DYNAP: variants seen among roughly 807,000 people sequenced by gnomAD.
DYNAP encodes dynactin associated protein, also known as dynactin-associated protein.
In DYNAP, 7 loss-of-function variants were observed where a neutral mutation model predicts 8.5. The observed-to-expected ratio is 0.82, with a 90% CI of 0.47 to 1.54. DYNAP has a LOEUF of 1.54. Ranked by LOEUF, DYNAP falls within the 40% of genes most tolerant of loss-of-function variation. The probability of loss-of-function intolerance (pLI) is 0.01; values close to 1 mark genes in which losing one functional copy is unlikely to be tolerated. For synonymous variants in DYNAP, 77 were observed against 77.9 expected (o/e 0.99, Z 0.06); for missense variants, 256 against 224.3 (o/e 1.14, Z -0.90).
Position 54,597,908 on chromosome 18 carries a change from A to G in DYNAP, c.318A>G (p.Ile106Met). 6.2e-7 allele frequency: 1 copy of G among 1,613,668 alleles called. No homozygotes were observed. Among genetic ancestry groups the G allele is most frequent in the East Asian group, 2.2e-5 (1 of 44,848 alleles). The change falls in exon 3 of 3, where the codon ATA (isoleucine) becomes ATG (methionine). Residue 106 changes from isoleucine (I) to methionine (M), a missense_variant. Transcript: ENST00000648945. The stretch of plus-strand genomic sequence containing the variant: ...TAATGACAGCAATTGGAGTACTTAT[A>G]ATATGCTTGGTGAATAACAAAGGAT... Reference protein sequence around the residue: ...CVIMTAIGVLIICLVNNKGSA... With the variant: ...CVIMTAIGVLMICLVNNKGSA...
chr18:54,583,732 A>G (rs1299495067), upstream of DYNAP, among the ~76,000 whole-genome samples: 1 of 152,202 alleles, frequency 6.6e-6, no homozygotes, highest in Non-Finnish European at 1.5e-5. Context: ...AGCACTGCTA[A>G]TCATGTGTTT....
At chr18:54,581,465 C>A in the DYNAP span, among the ~76,000 whole-genome samples, 3 of 152,146 alleles carry the variant, frequency 2.0e-5, no homozygotes, top group Non-Finnish European at 2.9e-5. Flanking sequence ...AGCAGGAGTG[C>A]GGCAGGAATG....
At chr18:54,582,823 T>G (rs1389917316), upstream of DYNAP, among the ~76,000 whole-genome samples, 1 of 152,232 alleles carries the variant, frequency 6.6e-6, no homozygotes, top group Non-Finnish European at 1.5e-5. Flanking sequence ...CATTTTACTC[T>G]TAAGCTACCC....
chr18:54,597,829 G>T lies in DYNAP; in HGVS notation c.239G>T (p.Arg80Leu), dbSNP rs370839815. The change falls in exon 3 of 3, where the codon CGC becomes CTC. Residue 80 changes from arginine to leucine, a missense_variant. Physicochemically the swap from Arg to Leu is moderately radical, Grantham distance 102. Transcript: ENST00000648945. ...CATGCTTAGGTAAAAGAATATTGCC[G>T]CAATGACTGGTCTATGTGGAAAGTC... ...SCNTQVKEYC[R>L]NDWSMWKVFL... is the part of the protein sequence containing the mutation. The T allele has an allele frequency of 6.2e-7, 1 of 1,605,800 alleles. No homozygotes were observed. The highest frequency in any genetic ancestry group is 1.1e-5 in the South Asian group (1 of 90,488).
At chr18:54,578,777 T>A in the DYNAP span, among the ~76,000 whole-genome samples, 10 of 152,132 alleles carry the variant, frequency 6.6e-5, no homozygotes, top group African/African-American at 1.4e-4. Context: ...AAAGGCAATT[T>A]TTTTATTTTA....
At chr18:54,587,235 C>T (rs1219132981), upstream of DYNAP, among the ~76,000 whole-genome samples, 3 of 152,144 alleles carry the variant, frequency 2.0e-5, no homozygotes, top group South Asian at 2.1e-4. Flanking sequence ...TAAGGAGGGA[C>T]GTAACTGTCT....
the DYNAP span, among the ~76,000 whole-genome samples, chr18:54,577,029 T>C: frequency 2.0e-4 from 30 of 152,198 alleles, no homozygotes; most frequent in Admixed American, 1.6e-3. Flanking sequence ...TGTATATGTT[T>C]GTAGTAGCTA....
the DYNAP span, among the ~76,000 whole-genome samples, chr18:54,577,821 G>A: frequency 6.6e-6 from 1 of 151,896 alleles, no homozygotes; most frequent in Non-Finnish European, 1.5e-5. Context: ...ACAAAAATTA[G>A]CCGGGCACGG....
intron 1 of DYNAP, among the ~76,000 whole-genome samples, chr18:54,593,080 A>G (rs1365604773): frequency 6.6e-6 from 1 of 152,198 alleles, no homozygotes; most frequent in East Asian, 1.9e-4. Flanking sequence ...AATTTTGTTT[A>G]TTCATATTTG....
At chr18:54,581,237 C>T in the DYNAP span, among the ~76,000 whole-genome samples, 27 of 152,272 alleles carry the variant, frequency 1.8e-4, no homozygotes, top group African/African-American at 6.5e-4. Flanking sequence ...TAATTATTTG[C>T]TATTCTTTAT....
At chr18:54,582,445 G>C in the DYNAP span, among the ~76,000 whole-genome samples, 8 of 152,156 alleles carry the variant, frequency 5.3e-5, no homozygotes, top group Admixed American at 4.6e-4. Context: ...TTCAATTTTA[G>C]ATTTTATAAC....
In DYNAP at chr18:54,591,299, G is replaced by T; in HGVS notation, c.17G>T (p.Gly6Val). Reference sequence around the variant, plus strand: ...AGCTCAAGAATGGACAGAAAGCATGGAAAATACATATTGAACGTTGAGCAC... The same window carrying T: ...AGCTCAAGAATGGACAGAAAGCATGTAAAATACATATTGAACGTTGAGCAC... Reference protein sequence around the residue: MDRKHGKYILNVEHSE... With the variant: MDRKHVKYILNVEHSE... The change falls in exon 1 of 3, where the codon GGA (glycine) becomes GTA (valine). Residue 6 changes from glycine (G) to valine (V), a missense_variant. Transcript: ENST00000648945. 6.2e-7 allele frequency: 1 copy of T among 1,612,478 alleles called. No individual in the cohort carries two copies.
At chr18:54,595,334 A>G (rs559729104) in intron 2 of DYNAP, among the ~76,000 whole-genome samples, 2 of 152,278 alleles carry the variant, frequency 1.3e-5, no homozygotes, top group African/African-American at 4.8e-5. Context: ...CGGGGACTCA[A>G]ACATCTATAA....
chr18:54,598,183 AACC>A lies in DYNAP; in HGVS notation c.*39_*41del. 6.4e-7 allele frequency: 1 copy of A among 1,566,100 alleles called. No individual in the cohort carries two copies. Among genetic ancestry groups the A allele is most frequent in the Non-Finnish European group, 8.7e-7 (1 of 1,153,410 alleles). ...TAGCCATCACTTCAACTGAAACTTCAACCTCTACCACTTCAACTCAGTTTGCAA... is the reference window on the plus strand; with the variant it reads ...TAGCCATCACTTCAACTGAAACTTCATCTACCACTTCAACTCAGTTTGCAA... On this transcript the variant is annotated 3_prime_UTR_variant, in exon 3 of 3. Coordinates refer to ENST00000648945, the MANE Select transcript of DYNAP (RefSeq NM_173629.3).
At chr18:54,584,590 A>G (rs1568238887), upstream of DYNAP, among the ~76,000 whole-genome samples, 2 of 152,204 alleles carry the variant, frequency 1.3e-5, no homozygotes, top group African/African-American at 4.8e-5. Context: ...AAACTATACT[A>G]TATATTTTTG....
chr18:54,596,559 TC>T (rs1364645190), intron 2 of DYNAP, among the ~76,000 whole-genome samples: 7 of 152,132 alleles, frequency 4.6e-5, no homozygotes, highest in African/African-American at 1.7e-4. Context: ...GAATGACTGA[TC>T]TAGTCCCATT....
upstream of DYNAP, among the ~76,000 whole-genome samples, chr18:54,590,609 T>C (rs1373615679): frequency 3.3e-5 from 5 of 152,206 alleles, no homozygotes; most frequent in African/African-American, 1.2e-4. Flanking sequence ...TTCTCACTTG[T>C]TGAGTGAATA....
chr18:54,575,799 T>A, the DYNAP span, among the ~76,000 whole-genome samples: 1 of 151,938 alleles, frequency 6.6e-6, no homozygotes, highest in Non-Finnish European at 1.5e-5. Flanking sequence ...TTCATTAACA[T>A]AACATGCACA....
intron 2 of DYNAP, among the ~76,000 whole-genome samples, chr18:54,595,880 T>G (rs1454789076): frequency 6.6e-6 from 1 of 152,114 alleles, no homozygotes; most frequent in East Asian, 1.9e-4. Flanking sequence ...TGAGGCTTGT[T>G]TCTTGATTCT....
Sources: gnomAD v4.1 joint callset for allele counts (sites outside exome capture counted in the v4.1 genomes callset) on GRCh38, gnomAD v4.1.1 for gene constraint, MANE v1.5 for transcripts, NCBI Gene and HGNC (gene_info 2026-07-23, HGNC 2026-07-21) for gene names.